The following MPDZ variants were observed in gnomAD, a reference collection of about 807,000 sequenced individuals.
MPDZ encodes multiple PDZ domain protein.
In MPDZ, 234 loss-of-function variants were observed where a neutral mutation model predicts 239.1. The ratio of observed to expected loss-of-function variants is 0.98; its 90% CI spans 0.88 to 1.09. The LOEUF is 1.09. Among genes scored for constraint, MPDZ ranks in the 50% least tolerant of loss-of-function variants. The pLI is 0.00. For missense variants in MPDZ, 3,175 were observed against 2,510.0 expected (o/e 1.26, Z -5.66); for synonymous variants, 1,048 against 881.3 (o/e 1.19, Z -3.35).
chr9:13,192,282 G>C lies in MPDZ; in HGVS notation c.1817C>G (p.Thr606Ser), dbSNP rs745454681. The change falls in exon 15 of 47, where the codon ACT (threonine) becomes AGT (serine). Residue 606 changes from threonine (T) to serine (S), a missense_variant. By Grantham distance (58) the Thr-to-Ser change is moderately conservative (BLOSUM62 1). Coordinates refer to ENST00000319217, the MANE Select transcript of MPDZ (RefSeq NM_001378778.1). ...ATCTTGGTGATTTTCCCCAAGTAAA[G>C]TTATGCCATTTACCTGTGAAAAAAG... ...GDELLEVNGI[T>S]LLGENHQDVV... 56 of 1,597,842 alleles carry C rather than the reference G, an allele frequency of 3.5e-5. No homozygotes were observed. The highest frequency in any genetic ancestry group is 4.2e-5 in the Non-Finnish European group (49 of 1,171,066).
At chr9:13,239,178 T>C (rs1264311155) in intron 3 of MPDZ, among the ~76,000 whole-genome samples, 1 of 152,164 alleles carries the variant, frequency 6.6e-6, no homozygotes, top group African/African-American at 2.4e-5. Context: ...CAACTACTAT[T>C]AGACCACGCT....
intron 17 of MPDZ, among the ~76,000 whole-genome samples, chr9:13,186,828 A>C (rs549685269): frequency 6.7e-4 from 102 of 152,330 alleles, no homozygotes; most frequent in African/African-American, 2.4e-3. Flanking sequence ...AAAAAGAAAT[A>C]TCAACTTCTG....
intron 39 of MPDZ, 85 bp downstream of exon 39, chr9:13,119,417 T>C: frequency 6.9e-7 from 1 of 1,453,560 alleles, no homozygotes; most frequent in Non-Finnish European, 9.3e-7. Flanking sequence ...GAGAAGTCAT[T>C]ACTAATTTGA....
chr9:13,208,850 T>C (rs987111425), intron 10 of MPDZ, among the ~76,000 whole-genome samples: 2 of 152,128 alleles, frequency 1.3e-5, no homozygotes, highest in Admixed American at 6.6e-5. Flanking sequence ...CTGAGCTGGA[T>C]GGTGACTTGA....
chr9:13,163,948 G>A (rs1950757129), intron 22 of MPDZ, among the ~76,000 whole-genome samples: 2 of 152,154 alleles, frequency 1.3e-5, no homozygotes, highest in African/African-American at 2.4e-5. Flanking sequence ...GGAGTCGGAA[G>A]ACACAGTTCT....
At chr9:13,227,752 T>C (rs1216014557) in intron 3 of MPDZ, among the ~76,000 whole-genome samples, 2 of 152,158 alleles carry the variant, frequency 1.3e-5, no homozygotes, top group Non-Finnish European at 2.9e-5. Flanking sequence ...TTTCCTAATT[T>C]GTTAAAGGTT....
chr9:13,160,587 G>C (rs548983018), intron 23 of MPDZ, among the ~76,000 whole-genome samples: 1 of 151,638 alleles, frequency 6.6e-6, no homozygotes, highest in South Asian at 2.1e-4. Flanking sequence ...GATTTTACCA[G>C]TTTGACAGGA....
At chr9:13,229,184 T>C (rs1177155014) in intron 3 of MPDZ, among the ~76,000 whole-genome samples, 1 of 152,080 alleles carries the variant, frequency 6.6e-6, no homozygotes. Context: ...AAAATGTGTA[T>C]AAAAGCTGTT....
At chr9:13,274,738 A>C (rs1458296082) in intron 1 of MPDZ, 1 of 152,160 alleles carries the variant, frequency 6.6e-6, no homozygotes, top group African/African-American at 2.4e-5. Flanking sequence ...TACCCCACAA[A>C]ACACGTATAA....
rs1476457250 is a variant in MPDZ at position 13,147,573 on chromosome 9, A to G, written c.3716T>C (p.Val1239Ala). The G allele has an allele frequency of 6.2e-7, 1 of 1,612,174 alleles. No homozygotes were observed. ...RKAGNPVVFM[V>A]QSIINRPRKS... Reference sequence around the variant, plus strand: ...CCTTGGTCTGTTTATAATGCTCTGTACCATAAAGACTACAGGGTTGCCTGC... The same window carrying G: ...CCTTGGTCTGTTTATAATGCTCTGTGCCATAAAGACTACAGGGTTGCCTGC... The change falls in exon 26 of 47, where the codon GTA (valine) becomes GCA (alanine). Residue 1239 changes from valine (V) to alanine (A), a missense_variant. By Grantham distance (64) the Val-to-Ala change is moderately conservative (BLOSUM62 0). Coordinates refer to ENST00000319217, the MANE Select transcript of MPDZ (RefSeq NM_001378778.1).
chr9:13,109,834 A>G (rs895530390), intron 45 of MPDZ, 118 bp downstream of exon 45: 16 of 773,502 alleles, frequency 2.1e-5, no homozygotes, highest in Middle Eastern at 2.8e-4. Flanking sequence ...CACACTTCAT[A>G]TATCCTATCA....
At chr9:13,193,463 C>T in intron 13 of MPDZ, 150 bp from the exon 14 acceptor site, 2 of 891,456 alleles carry the variant, frequency 2.2e-6, no homozygotes, top group Non-Finnish European at 3.2e-6. Flanking sequence ...AGCTTTGGGG[C>T]TTTTCCTTTG....
chr9:13,114,942 A>C (rs1943144443), intron 40 of MPDZ, among the ~76,000 whole-genome samples: 1 of 152,042 alleles, frequency 6.6e-6, no homozygotes, highest in Non-Finnish European at 1.5e-5. Context: ...AATAATAAAA[A>C]ATTTGTTATC....
chr9:13,135,825 T>A (rs1946655898), intron 31 of MPDZ: 1 of 267,260 alleles, frequency 3.7e-6, no homozygotes, highest in East Asian at 6.9e-5. Context: ...TATAAAGTTT[T>A]ATCCTCAATT....
chr9:13,156,022 T>A (rs781778816), intron 24 of MPDZ, among the ~76,000 whole-genome samples: 1 of 152,180 alleles, frequency 6.6e-6, no homozygotes, highest in Admixed American at 6.5e-5. Context: ...TTCTTTCTCA[T>A]AAGAAAATTT....
chr9:13,219,874 C>G, intron 7 of MPDZ, 106 bp from the exon 8 acceptor site: 1 of 1,039,508 alleles, frequency 9.6e-7, no homozygotes, highest in Non-Finnish European at 1.4e-6. Context: ...TATGAGTTAC[C>G]AATCAGGACA....
chr9:13,193,462 G>C, intron 13 of MPDZ, 149 bp from the exon 14 acceptor site: 2 of 891,980 alleles, frequency 2.2e-6, no homozygotes, highest in Non-Finnish European at 3.2e-6. Context: ...AAGCTTTGGG[G>C]CTTTTCCTTT....
Position 13,221,427 on chromosome 9 carries a change from C to T in MPDZ, c.821G>A (p.Gly274Glu), listed in dbSNP as rs750474727. 1.9e-6 allele frequency: 3 copies of T among 1,611,354 alleles called. No homozygotes were observed. Among genetic ancestry groups the T allele is most frequent in the East Asian group, 2.2e-5 (1 of 44,720 alleles). ...GSGLGFGIIG[G>E]KATGVIVKTI... is the part of the protein sequence containing the mutation. ...TTTTACTATCACACCAGTTGCTTTT[C>T]CTCCTATGATGCCAAATCCCAAACC... is the stretch of plus-strand genomic sequence containing the variant. Residue 274 changes from glycine (G) to glutamate (E), a missense_variant, in exon 7 of 47, where the codon GGA becomes GAA. Physicochemically the swap from Gly to Glu is moderately conservative, Grantham distance 98. Coordinates refer to ENST00000319217, the MANE Select transcript of MPDZ (RefSeq NM_001378778.1).
At chr9:13,206,357 A>G (rs1223012152) in intron 10 of MPDZ, among the ~76,000 whole-genome samples, 1 of 151,946 alleles carries the variant, frequency 6.6e-6, no homozygotes, top group Non-Finnish European at 1.5e-5. Flanking sequence ...ATGAGTCACT[A>G]GTTCTAGGGT....
Sources: allele counts gnomAD v4.1 joint callset (sites outside exome capture counted in the v4.1 genomes callset), GRCh38; gene constraint gnomAD v4.1.1; transcripts MANE v1.5; gene names NCBI Gene and HGNC (gene_info 2026-07-23, HGNC 2026-07-21).